The following LRMDA variants were observed in gnomAD, a reference collection of about 807,000 sequenced individuals.
The protein encoded by LRMDA is leucine-rich melanocyte differentiation-associated protein.
Under a neutral mutation model 29.8 loss-of-function variants are expected in LRMDA, and 18 were observed. The ratio of observed to expected loss-of-function variants is 0.60; its 90% CI spans 0.42 to 0.90. The LOEUF (loss-of-function observed/expected upper bound fraction) is 0.90, where lower values mean the gene tolerates loss of function less well. LRMDA is among the 40% of genes least tolerant of loss of function. LRMDA has a pLI of 0.00. For missense variants in LRMDA, 273 were observed against 273.9 expected (o/e 1.00, Z 0.02); for synonymous variants, 125 against 109.4 (o/e 1.14, Z -0.89).
chr10:75,625,462 G>T (rs1363147188), intron 2 of LRMDA, among the ~76,000 whole-genome samples: 1 of 152,192 alleles, frequency 6.6e-6, no homozygotes, highest in Non-Finnish European at 1.5e-5. Context: ...ATATTCTCAA[G>T]ACTCCAGGCT....
At chr10:75,619,206 G>A (rs1841149328) in intron 2 of LRMDA, among the ~76,000 whole-genome samples, 1 of 152,170 alleles carries the variant, frequency 6.6e-6, no homozygotes, top group Non-Finnish European at 1.5e-5. Context: ...AGGTCTTGGT[G>A]TTTCAGGGGT....
chr10:75,736,631 C>A (rs976837635), intron 2 of LRMDA, among the ~76,000 whole-genome samples: 1 of 152,152 alleles, frequency 6.6e-6, no homozygotes, highest in African/African-American at 2.4e-5. Context: ...GAAATAGAAA[C>A]ACTCAATTGA....
chr10:75,573,510 A>AT (rs922353191), intron 2 of LRMDA, among the ~76,000 whole-genome samples: 2 of 151,584 alleles, frequency 1.3e-5, no homozygotes, highest in Admixed American at 6.6e-5. Flanking sequence ...GCTCTGGATC[A>AT]TTTTTTTCAG....
At chr10:76,120,181 A>G (rs887835667) in intron 5 of LRMDA, among the ~76,000 whole-genome samples, 1 of 144,658 alleles carries the variant, frequency 6.9e-6, no homozygotes, top group Non-Finnish European at 1.5e-5. Flanking sequence ...GTCTACAGGT[A>G]TGTGTTGATT....
intron 2 of LRMDA, among the ~76,000 whole-genome samples, chr10:75,934,625 T>TG (rs1564611201): frequency 1.3e-5 from 2 of 151,948 alleles, no homozygotes; most frequent in Non-Finnish European, 2.9e-5. Flanking sequence ...TCCTGGCTAG[T>TG]GGGGAAGAGA....
In LRMDA at chr10:76,559,691, A is replaced by G. The variant is rs1843600981; in HGVS notation, c.*2403A>G. On this transcript the variant is annotated 3_prime_UTR_variant, in exon 7 of 7. Coordinates refer to ENST00000611255, the MANE Select transcript of LRMDA (RefSeq NM_001305581.2). The stretch of plus-strand genomic sequence containing the variant: ...TTTTCAAAGTTGAGAAGTAGAAAGT[A>G]ATAAATTCAATCAGGGCCCAGACAT... The G allele has an allele frequency of 6.6e-6, 1 of 152,262 alleles. No individual in the cohort carries two copies. Among genetic ancestry groups the G allele is most frequent in the Non-Finnish European group, 1.5e-5 (1 of 68,062 alleles). The allele number at this position is 152,262 out of a possible 1,614,324, so 9.4% of individuals were successfully genotyped here.
rs1165759551 is a variant in LRMDA at position 76,143,208 on chromosome 10, G to C, written c.516+84425G>C. 2.0e-5 allele frequency among the ~76,000 whole-genome samples: 3 copies of C among 152,180 alleles called. No homozygotes were observed. The East Asian group carries it at 5.8e-4, about 29-fold the overall frequency. On this transcript the variant is annotated intron_variant, in intron 5 of 6. Transcript: ENST00000611255. ...TTATTATCCTTTGGGTATATACCTA[G>C]TAATAGGATGGCTGGGTCAAATGGC...
intron 5 of LRMDA, among the ~76,000 whole-genome samples, chr10:76,296,144 A>G (rs1840409254): frequency 6.6e-6 from 1 of 152,234 alleles, no homozygotes; most frequent in Admixed American, 6.5e-5. Context: ...TCATCAGCAC[A>G]AGGTCAAAAC....
intron 2 of LRMDA, among the ~76,000 whole-genome samples, chr10:75,860,047 T>C (rs986858847): frequency 2.6e-5 from 4 of 152,216 alleles, no homozygotes; most frequent in African/African-American, 7.2e-5. Flanking sequence ...ATAAAATTTC[T>C]AATTATACAG....
chr10:76,238,664 G>A (rs1852208095), intron 5 of LRMDA, among the ~76,000 whole-genome samples: 1 of 152,022 alleles, frequency 6.6e-6, no homozygotes, highest in Non-Finnish European at 1.5e-5. Flanking sequence ...CTAACACAAA[G>A]GGAACACACA....
chr10:75,873,220 A>G (rs1283381662), intron 2 of LRMDA, among the ~76,000 whole-genome samples: 2 of 152,214 alleles, frequency 1.3e-5, no homozygotes, highest in Admixed American at 1.3e-4. Flanking sequence ...AATTATTTGT[A>G]AAATATTTAA....
At chr10:76,507,046 C>A (rs921222700) in intron 6 of LRMDA, among the ~76,000 whole-genome samples, 6 of 151,958 alleles carry the variant, frequency 3.9e-5, no homozygotes, top group Non-Finnish European at 7.4e-5. Flanking sequence ...TGTGCTAATT[C>A]TAATTCCCAC....
At chr10:75,474,362 G>A (rs1444169539) in intron 2 of LRMDA, among the ~76,000 whole-genome samples, 1 of 152,202 alleles carries the variant, frequency 6.6e-6, no homozygotes, top group Non-Finnish European at 1.5e-5. Flanking sequence ...TGAAGGCTGG[G>A]AAGTCCAAGA....
intron 2 of LRMDA, among the ~76,000 whole-genome samples, chr10:76,009,121 A>G (rs1847726733): frequency 6.6e-6 from 1 of 152,132 alleles, no homozygotes; most frequent in South Asian, 2.1e-4. Flanking sequence ...TTTACAAACA[A>G]TAACAAAGCC....
chr10:76,284,513 T>C (rs572457206), intron 5 of LRMDA, among the ~76,000 whole-genome samples: 19 of 152,290 alleles, frequency 1.2e-4, no homozygotes, highest in African/African-American at 4.6e-4. Flanking sequence ...ACTTGTGTTG[T>C]TTGAAGCTGC....
intron 6 of LRMDA, among the ~76,000 whole-genome samples, chr10:76,382,982 G>A (rs909054444): frequency 9.2e-5 from 14 of 152,236 alleles, no homozygotes; most frequent in African/African-American, 3.4e-4. Context: ...ACAGAGAAAG[G>A]ACAATTACTG....
chr10:75,869,350 G>C (rs1248341808), intron 2 of LRMDA, among the ~76,000 whole-genome samples: 3 of 152,174 alleles, frequency 2.0e-5, no homozygotes, highest in African/African-American at 7.2e-5. Flanking sequence ...ACCCCAGCCT[G>C]ATACAGGCCC....
At chr10:75,827,591 A>T (rs373363680) in intron 2 of LRMDA, among the ~76,000 whole-genome samples, 1 of 152,220 alleles carries the variant, frequency 6.6e-6, no homozygotes, top group Non-Finnish European at 1.5e-5. Flanking sequence ...TCTGCTCAGT[A>T]CAAGGGTTAG....
chr10:76,476,393 T>C (rs1305912903), intron 6 of LRMDA, among the ~76,000 whole-genome samples: 3 of 152,000 alleles, frequency 2.0e-5, no homozygotes, highest in East Asian at 1.9e-4. Flanking sequence ...GGCTCTGAAA[T>C]TGAGGCAATA....
Sources: allele counts gnomAD v4.1 joint callset (sites outside exome capture counted in the v4.1 genomes callset), GRCh38; gene constraint gnomAD v4.1.1; transcripts MANE v1.5; gene names NCBI Gene and HGNC (gene_info 2026-07-23, HGNC 2026-07-21).